Variants in SDHAF2 observed in about 807,000 individuals in gnomAD.
SDHAF2 encodes succinate dehydrogenase complex assembly factor 2.
SDHAF2 carries 21 observed loss-of-function variants against 18.5 expected under a neutral mutation model. The ratio of observed to expected loss-of-function variants is 1.13; its 90% CI spans 0.80 to 1.63. The LOEUF (loss-of-function observed/expected upper bound fraction) is 1.63, where lower values mean the gene tolerates loss of function less well. Ranked by LOEUF, SDHAF2 falls within the 40% of genes most tolerant of loss-of-function variation. SDHAF2 has a pLI of 0.00. For synonymous variants in SDHAF2, 84 were observed against 70.7 expected (o/e 1.19, Z -0.94); for missense variants, 195 against 200.3 (o/e 0.97, Z 0.16).
chr11:61,437,576 G>T lies in SDHAF2; in HGVS notation c.37-49G>T, dbSNP rs185046468. 131 of 1,451,674 alleles carry T rather than the reference G, an allele frequency of 9.0e-5. No homozygotes were observed. The East Asian group carries it at 2.6e-3, about 29-fold the overall frequency. The allele number at this position is 1,451,674 out of a possible 1,614,324, so 89.9% of individuals were successfully genotyped here. On this transcript the variant is annotated intron_variant, in intron 1 of 3. Transcript: ENST00000301761. ...TAGTAAGCATTGAGTAAATGATAGCGATGATAGTCGTCATTATTGTAAAGA... is the reference window on the plus strand; with the variant it reads ...TAGTAAGCATTGAGTAAATGATAGCTATGATAGTCGTCATTATTGTAAAGA...
At chr11:61,434,464 A>G (rs527968958) in intron 1 of SDHAF2, 18 of 152,266 alleles carry the variant, frequency 1.2e-4, no homozygotes, top group African/African-American at 4.3e-4. Flanking sequence ...GGCATTAGCC[A>G]CTGAGACCAG....
rs138668184 is a variant in SDHAF2 at position 61,445,592 on chromosome 11, G to A, written c.371-349G>A. Among the ~76,000 whole-genome samples the A allele has an allele frequency of 4.6e-5, 7 of 152,234 alleles. No individual in the cohort carries two copies. In the East Asian group the frequency reaches 9.6e-4, roughly 21 times the overall value. ...CAAAATAGTACAGCCAAGATTGTGC[G>A]GGCCAGGGGTCAGCAAACTTGTTCA... On this transcript the variant is annotated intron_variant, in intron 3 of 3. Transcript: ENST00000301761.
At chr11:61,430,251 G>T in intron 1 of SDHAF2, 69 bp downstream of exon 1, 1 of 1,598,152 alleles carries the variant, frequency 6.3e-7, no homozygotes, top group South Asian at 1.1e-5. Flanking sequence ...CTTCCTCTGT[G>T]GTCTCTATCT....
At position 61,446,581 on chromosome 11, in the gene SDHAF2, T is replaced by A; in HGVS notation, c.*510T>A. 2.2e-6 allele frequency: 1 copy of A among 445,340 alleles called. No homozygotes were observed. The highest frequency in any genetic ancestry group is 3.2e-5 in the East Asian group (1 of 31,326). The allele number at this position is 445,340 out of a possible 1,614,324, so 27.6% of individuals were successfully genotyped here. ...GCTGATCCCAGCCTCCTGAGCTGAA[T>A]CCTTCAAAGGCACAGCAGGCAGAAT... On this transcript the variant is annotated 3_prime_UTR_variant, in exon 4 of 4. Transcript: ENST00000301761.
At chr11:61,442,997 C>T (rs558823669) in intron 3 of SDHAF2, among the ~76,000 whole-genome samples, 13 of 152,294 alleles carry the variant, frequency 8.5e-5, no homozygotes, top group Admixed American at 7.2e-4. Context: ...TCAAGTGATC[C>T]GTCTGCCTCA....
chr11:61,441,333 C>G (rs1257767498), intron 3 of SDHAF2, among the ~76,000 whole-genome samples: 1 of 151,994 alleles, frequency 6.6e-6, no homozygotes, highest in Non-Finnish European at 1.5e-5. Context: ...GAGATTGAGA[C>G]CATCTTGGCC....
chr11:61,438,441 C>T (rs548048960), intron 3 of SDHAF2: 30 of 375,042 alleles, frequency 8.0e-5, no homozygotes, highest in South Asian at 2.3e-4. Context: ...TCAGGTGATC[C>T]GCCCGCCTCG....
intron 1 of SDHAF2, chr11:61,430,620 C>A (rs1861866302): frequency 5.0e-6 from 1 of 200,664 alleles, no homozygotes; most frequent in Non-Finnish European, 1.0e-5. Flanking sequence ...ATCGAATAAT[C>A]AAATCAGCGT....
chr11:61,433,364 A>G (rs1861958190), intron 1 of SDHAF2: 1 of 152,144 alleles, frequency 6.6e-6, no homozygotes, highest in Non-Finnish European at 1.5e-5. Context: ...CACAACTCAT[A>G]CCAGTATCAC....
intron 3 of SDHAF2, among the ~76,000 whole-genome samples, chr11:61,443,681 G>A (rs1162728721): frequency 3.3e-5 from 5 of 152,120 alleles, no homozygotes; most frequent in African/African-American, 1.2e-4. Context: ...GCACCCTCTC[G>A]GCTCACTGCA....
chr11:61,441,048 G>A (rs951116966), intron 3 of SDHAF2, among the ~76,000 whole-genome samples: 1 of 151,982 alleles, frequency 6.6e-6, no homozygotes, highest in Non-Finnish European at 1.5e-5. Context: ...ATAAAAATAA[G>A]TTAGCTGGGC....
chr11:61,432,936 A>G (rs1358498107), intron 1 of SDHAF2: 1 of 151,934 alleles, frequency 6.6e-6, no homozygotes, highest in Admixed American at 6.6e-5. Context: ...TTGTTTTTAT[A>G]CCTTTGTCTT....
intron 1 of SDHAF2, chr11:61,430,887 G>A (rs1046515444): frequency 6.7e-5 from 10 of 150,304 alleles, no homozygotes; most frequent in African/African-American, 2.4e-4. Flanking sequence ...CCAGGGACTC[G>A]ATCTTTATTC....
chr11:61,438,464 C>G, intron 3 of SDHAF2: 7 of 340,962 alleles, frequency 2.1e-5, no homozygotes, highest in South Asian at 1.1e-4. Flanking sequence ...CTCCCAAAAT[C>G]CTGGGATTAC....
intron 1 of SDHAF2, chr11:61,432,453 G>C (rs750844541): frequency 6.6e-6 from 1 of 152,100 alleles, no homozygotes; most frequent in African/African-American, 2.4e-5. Context: ...ACAATGTCAA[G>C]GCTATGTATA....
intron 3 of SDHAF2, among the ~76,000 whole-genome samples, chr11:61,438,529 A>G (rs1302816869): frequency 6.6e-6 from 1 of 152,172 alleles, no homozygotes; most frequent in African/African-American, 2.4e-5. Flanking sequence ...CATGAAGTAG[A>G]CACTCAACCC....
At chr11:61,431,703 T>C (rs1474881406) in intron 1 of SDHAF2, 1 of 152,148 alleles carries the variant, frequency 6.6e-6, no homozygotes, top group Non-Finnish European at 1.5e-5. Flanking sequence ...TGTTATGTTA[T>C]GTTATTTTCT....
At chr11:61,437,881 G>C in intron 2 of SDHAF2, 33 bp downstream of exon 2, 2 of 1,599,252 alleles carry the variant, frequency 1.3e-6, no homozygotes, top group Non-Finnish European at 1.7e-6. Flanking sequence ...TTTTAAATCG[G>C]GCAGCTTCCT....
At chr11:61,436,557 G>A (rs1222933294) in intron 1 of SDHAF2, among the ~76,000 whole-genome samples, 1 of 152,154 alleles carries the variant, frequency 6.6e-6, no homozygotes. Flanking sequence ...CCAAAAGTCC[G>A]AACATTATAC....
Sources: allele counts gnomAD v4.1 joint callset (sites outside exome capture counted in the v4.1 genomes callset), GRCh38; gene constraint gnomAD v4.1.1; transcripts MANE v1.5; gene names NCBI Gene and HGNC (gene_info 2026-07-23, HGNC 2026-07-21).